Variants in CTPS2 observed in about 807,000 individuals in gnomAD.
CTPS2 encodes the protein CTP synthase II.
In CTPS2, 19 loss-of-function variants were observed where a neutral mutation model predicts 46.8. The observed-to-expected ratio is 0.41, with a 90% CI of 0.28 to 0.60. The LOEUF is 0.60. CTPS2 is among the 20% of genes least tolerant of loss of function. The probability of loss-of-function intolerance (pLI) is 0.35; values close to 1 mark genes in which losing one functional copy is unlikely to be tolerated. For synonymous variants in CTPS2, 151 were observed against 165.2 expected (o/e 0.91, Z 0.66); for missense variants, 286 against 447.6 (o/e 0.64, Z 3.26).
At chrX:16,644,147 T>C (rs1431334024) in intron 13 of CTPS2, among the ~76,000 whole-genome samples, 1 of 109,923 alleles carries the variant, frequency 9.1e-6, no homozygotes, top group East Asian at 2.8e-4. Flanking sequence ...ATCTTTTTTT[T>C]TTTTTGAGAC....
rs1186956154 is a variant in CTPS2 at position 16,697,600 on chromosome X, T to C, written c.438+636A>G. Among the ~76,000 whole-genome samples the C allele has an allele frequency of 4.6e-5, 5 of 109,258 alleles. No homozygotes were observed. The East Asian group carries it at 1.4e-3, about 32-fold the overall frequency. The allele number at this position is 109,258 out of a possible 115,157, so 94.9% of individuals were successfully genotyped here. The stretch of plus-strand genomic sequence containing the variant: ...CTGGGACTACAGGTGCGTACCAACA[T>C]GCCTAGCTAATCTTTGTAGTCTCTG... On this transcript the variant is annotated intron_variant, in intron 4 of 18. Transcript: ENST00000359276.
intron 9 of CTPS2, among the ~76,000 whole-genome samples, chrX:16,680,537 A>G (rs1922649346): frequency 9.6e-6 from 1 of 104,032 alleles, no homozygotes; most frequent in Non-Finnish European, 2.0e-5. Context: ...CCTAGGAGAA[A>G]GGGCGAGACC....
intron 10 of CTPS2, among the ~76,000 whole-genome samples, chrX:16,677,908 G>C (rs1460021151): frequency 8.9e-6 from 1 of 111,869 alleles, no homozygotes; most frequent in African/African-American, 3.3e-5. Context: ...CATAAAAGGG[G>C]CAACCAGCAG....
At chrX:16,609,795 T>A in intron 16 of CTPS2, 110 bp from the exon 17 acceptor site, 1 of 803,658 alleles carries the variant, frequency 1.2e-6, no homozygotes, top group Non-Finnish European at 1.7e-6. Flanking sequence ...GATGATTCTT[T>A]AACCTGTTAT....
At chrX:16,633,103 A>C (rs1189416263) in intron 14 of CTPS2, among the ~76,000 whole-genome samples, 2 of 60,908 alleles carry the variant, frequency 3.3e-5, no homozygotes, top group South Asian at 1.0e-3. Flanking sequence ...TTTTTTTTTG[A>C]GACAGGGTCT....
intron 1 of CTPS2, among the ~76,000 whole-genome samples, chrX:16,709,520 T>C (rs1301750331): frequency 9.0e-6 from 1 of 111,000 alleles, no homozygotes; most frequent in Non-Finnish European, 1.9e-5. Flanking sequence ...TATGTTTTTT[T>C]AAACTAAGAT....
chrX:16,653,022 T>C (rs1932719237), intron 13 of CTPS2, among the ~76,000 whole-genome samples: 2 of 111,508 alleles, frequency 1.8e-5, no homozygotes, highest in Non-Finnish European at 3.8e-5. Context: ...AAATTGTGAA[T>C]CTACTTAGCA....
At chrX:16,675,976 A>T (rs763596526) in intron 10 of CTPS2, among the ~76,000 whole-genome samples, 4 of 112,230 alleles carry the variant, frequency 3.6e-5, no homozygotes, top group Admixed American at 1.9e-4. Flanking sequence ...TGAGCTATAT[A>T]CAGCTTGTAA....
At chrX:16,672,881 CTTTTTTTT>C (rs1185799196) in intron 10 of CTPS2, among the ~76,000 whole-genome samples, 28 of 69,571 alleles carry the variant, frequency 4.0e-4, no homozygotes, top group Non-Finnish European at 5.3e-4. Context: ...TGAGGCTACT[CTTTTTTTT>C]TTTTTTTTTT....
chrX:16,638,705 G>A, intron 14 of CTPS2: 1 of 275,394 alleles, frequency 3.6e-6, no homozygotes, highest in Non-Finnish European at 7.1e-6. Context: ...GTGCATAACT[G>A]CCCTCCTACT....
intron 10 of CTPS2, among the ~76,000 whole-genome samples, chrX:16,674,734 A>G (rs1325424345): frequency 1.9e-5 from 2 of 106,827 alleles, no homozygotes; most frequent in African/African-American, 6.9e-5. Flanking sequence ...GCTACTCGGG[A>G]GGCTGAGGCA....
intron 8 of CTPS2, among the ~76,000 whole-genome samples, chrX:16,684,442 G>T (rs1172929301): frequency 2.9e-5 from 3 of 104,162 alleles, no homozygotes; most frequent in Non-Finnish European, 5.8e-5. Flanking sequence ...CCGGGAGGCA[G>T]AGGTTGCAGT....
At chrX:16,671,261 CAT>C (rs764326225) in intron 10 of CTPS2, among the ~76,000 whole-genome samples, 29 of 111,179 alleles carry the variant, frequency 2.6e-4, no homozygotes, top group African/African-American at 7.8e-4. Context: ...AAATCTAAGA[CAT>C]GTGGAAAATA....
At chrX:16,637,882 C>A (rs1000172125) in intron 14 of CTPS2, among the ~76,000 whole-genome samples, 11 of 111,885 alleles carry the variant, frequency 9.8e-5, no homozygotes, top group African/African-American at 3.6e-4. Context: ...CTTTCTATTC[C>A]TTAGAAGGTT....
intron 14 of CTPS2, among the ~76,000 whole-genome samples, chrX:16,638,072 T>C (rs369770384): frequency 9.1e-6 from 1 of 109,625 alleles, no homozygotes; most frequent in African/African-American, 3.3e-5. Flanking sequence ...TGGCTAACAC[T>C]GTGAAACCCC....
At chrX:16,699,806 C>G (rs866778005) in intron 2 of CTPS2, among the ~76,000 whole-genome samples, 8 of 112,228 alleles carry the variant, frequency 7.1e-5, no homozygotes, top group African/African-American at 2.6e-4. Flanking sequence ...GATTAACTTA[C>G]AAATTTAATC....
chrX:16,605,088 G>T (rs781036253), intron 17 of CTPS2, among the ~76,000 whole-genome samples: 2 of 112,056 alleles, frequency 1.8e-5, no homozygotes, highest in African/African-American at 6.5e-5. Flanking sequence ...ATTACTAACT[G>T]ATAAGGTCAT....
chrX:16,611,490 C>T (rs1930257401), intron 16 of CTPS2, among the ~76,000 whole-genome samples: 1 of 101,484 alleles, frequency 9.9e-6, no homozygotes, highest in African/African-American at 3.7e-5. Flanking sequence ...TGCGCATGTA[C>T]TCCCTGCATC....
chrX:16,655,157 T>A lies in CTPS2; in HGVS notation c.1296+12357A>T, dbSNP rs1932787080. Among the ~76,000 whole-genome samples, 3 of 111,888 alleles carry A rather than the reference T, an allele frequency of 2.7e-5. No homozygotes were observed. In the South Asian group the frequency reaches 1.1e-3, roughly 42 times the overall value. ...GAAAAACACTTCACAAACAGACAGTTGACGTCATGCTATCTCCCAGCACTC... is the reference window on the plus strand; with the variant it reads ...GAAAAACACTTCACAAACAGACAGTAGACGTCATGCTATCTCCCAGCACTC... On this transcript the variant is annotated intron_variant, in intron 13 of 18. Coordinates refer to ENST00000359276, the MANE Select transcript of CTPS2 (RefSeq NM_175859.3).
Sources: gnomAD v4.1 joint callset for allele counts (sites outside exome capture counted in the v4.1 genomes callset) on GRCh38, gnomAD v4.1.1 for gene constraint, MANE v1.5 for transcripts, NCBI Gene and HGNC (gene_info 2026-07-23, HGNC 2026-07-21) for gene names.